The following PIEZO2 variants were observed in gnomAD, a reference collection of about 807,000 sequenced individuals.
PIEZO2 encodes the protein piezo type mechanosensitive ion channel component 2, also known as piezo-type mechanosensitive ion channel component 2.
PIEZO2 carries 172 observed loss-of-function variants against 337.3 expected under a neutral mutation model. The ratio of observed to expected loss-of-function variants is 0.51; its 90% confidence interval spans 0.45 to 0.58. The LOEUF is 0.58. Ranked by LOEUF, PIEZO2 falls within the 20% of genes least tolerant of loss-of-function variation. PIEZO2 has a pLI of 0.00. For missense variants in PIEZO2, 3,028 were observed against 3,391.3 expected (o/e 0.89, Z 2.66); for synonymous variants, 1,251 against 1,228.5 (o/e 1.02, Z -0.38).
intron 2 of PIEZO2, among the ~76,000 whole-genome samples, chr18:11,022,823 G>A (rs960784520): frequency 4.6e-5 from 7 of 152,170 alleles, no homozygotes; most frequent in Non-Finnish European, 8.8e-5. Flanking sequence ...GAATGAAGTC[G>A]CGGACCCTCG....
At position 11,010,978 on chromosome 18, in the gene PIEZO2, T is replaced by C. The variant is rs537962282; in HGVS notation, c.161-31318A>G. The stretch of plus-strand genomic sequence containing the variant: ...TCAATGTGCTAAATTGATGTGTTCA[T>C]GCGACATCAGTTCATTGTACATTTT... On this transcript the variant is annotated intron_variant, in intron 2 of 55. Coordinates refer to ENST00000674853, the MANE Select transcript of PIEZO2 (RefSeq NM_001378183.1). Among the ~76,000 whole-genome samples the C allele has an allele frequency of 3.3e-5, 5 of 152,380 alleles. No homozygotes were observed. In the East Asian group the frequency reaches 9.6e-4, roughly 29 times the overall value.
chr18:10,960,726 G>A (rs1023607182), intron 3 of PIEZO2, among the ~76,000 whole-genome samples: 5 of 152,024 alleles, frequency 3.3e-5, no homozygotes, highest in African/African-American at 7.2e-5. Context: ...CTTTTAAAAC[G>A]AGCGTTGGCT....
chr18:10,809,292 G>C (rs865861196), intron 7 of PIEZO2, among the ~76,000 whole-genome samples: 1 of 43,202 alleles, frequency 2.3e-5, no homozygotes, highest in African/African-American at 6.8e-5. Flanking sequence ...TTTTTTTTGA[G>C]ACAGAGTCTC....
At position 10,883,059 on chromosome 18, in the gene PIEZO2, G is replaced by C. The variant is rs150090265; in HGVS notation, c.330-11644C>G. ...TCACCATGTTGGCCAGGATGGTCTCGATCTCCTGACCTTGTGATCCGCCCA... is the reference window on the plus strand; with the variant it reads ...TCACCATGTTGGCCAGGATGGTCTCCATCTCCTGACCTTGTGATCCGCCCA... On this transcript the variant is annotated intron_variant, in intron 4 of 55. Coordinates refer to ENST00000674853, the MANE Select transcript of PIEZO2 (RefSeq NM_001378183.1). Among the ~76,000 whole-genome samples, 112 of 151,970 alleles carry C rather than the reference G, an allele frequency of 7.4e-4. 1 individual carries two copies. Among genetic ancestry groups the C allele is most frequent in the African/African-American group, 2.7e-3 (111 of 41,480 alleles).
Position 10,689,721 on chromosome 18 carries a change from G to A in PIEZO2, c.7431C>T (p.Ser2477=). 6.2e-7 allele frequency: 1 copy of A among 1,614,210 alleles called. No individual in the cohort carries two copies. The highest frequency in any genetic ancestry group is 8.5e-7 in the Non-Finnish European group (1 of 1,180,024). The change falls in exon 49 of 56, where the codon AGC becomes AGT. Residue 2477 remains serine (S), a synonymous_variant. Coordinates refer to ENST00000674853, the MANE Select transcript of PIEZO2 (RefSeq NM_001378183.1). ...VWTDTTLSLS[S]WICVEDIYAH... is the part of the protein sequence containing the mutation. ...CATAGATGTCCTCCACACAGATCCA[G>A]CTGGACAGGCTCAAAGTTGTGTCCG...
intron 3 of PIEZO2, among the ~76,000 whole-genome samples, chr18:10,978,370 T>G (rs1172070540): frequency 6.6e-6 from 1 of 151,536 alleles, no homozygotes; most frequent in Non-Finnish European, 1.5e-5. Flanking sequence ...ACAAAAAAAC[T>G]GCTGAACTGT....
intron 36 of PIEZO2, among the ~76,000 whole-genome samples, chr18:10,730,685 C>CT (rs1313005660): frequency 2.6e-5 from 4 of 152,036 alleles, no homozygotes; most frequent in Non-Finnish European, 4.4e-5. Context: ...TGTGCTTTCC[C>CT]TTTTTTCTTG....
Position 10,877,325 on chromosome 18 carries a change from T to C in PIEZO2, c.330-5910A>G, listed in dbSNP as rs1037927814. On this transcript the variant is annotated intron_variant, in intron 4 of 55. Coordinates refer to ENST00000674853, the MANE Select transcript of PIEZO2 (RefSeq NM_001378183.1). The surrounding 1 kb of genome is among the most constrained non-coding windows in gnomAD (Gnocchi z 5.3). ...AAAGCTGTTTCATGAACACTAGCTCTTTAGAATGAAATAGTGTTAGATTAA... is the reference window on the plus strand; with the variant it reads ...AAAGCTGTTTCATGAACACTAGCTCCTTAGAATGAAATAGTGTTAGATTAA... 6.6e-6 allele frequency among the ~76,000 whole-genome samples: 1 copy of C among 152,208 alleles called. No homozygotes were observed. Among genetic ancestry groups the C allele is most frequent in the African/African-American group, 2.4e-5 (1 of 41,448 alleles).
intron 2 of PIEZO2, among the ~76,000 whole-genome samples, chr18:11,004,923 C>T (rs775261957): frequency 2.0e-5 from 3 of 152,200 alleles, no homozygotes; most frequent in Non-Finnish European, 4.4e-5. Context: ...CTGGACACTC[C>T]TGAGTGTCTA....
intron 49 of PIEZO2, among the ~76,000 whole-genome samples, chr18:10,687,041 C>T (rs1240591822): frequency 6.6e-6 from 1 of 152,176 alleles, no homozygotes; most frequent in African/African-American, 2.4e-5. Context: ...CCCTACCTTC[C>T]TGAGGCTCTC....
At position 11,027,340 on chromosome 18, in the gene PIEZO2, C is replaced by A. The variant is rs544790803; in HGVS notation, c.160+38787G>T. Among the ~76,000 whole-genome samples the A allele has an allele frequency of 6.6e-6, 1 of 152,098 alleles. No homozygotes were observed. The highest frequency in any genetic ancestry group is 2.4e-5 in the African/African-American group (1 of 41,396). ...CTGTGTGTGAATAAAGGAAGGACTGCGACTGTCAATTCACCAGTGAGGCAA... is the reference window on the plus strand; with the variant it reads ...CTGTGTGTGAATAAAGGAAGGACTGAGACTGTCAATTCACCAGTGAGGCAA... On this transcript the variant is annotated intron_variant, in intron 2 of 55. Coordinates refer to ENST00000674853, the MANE Select transcript of PIEZO2 (RefSeq NM_001378183.1). The surrounding 1 kb of genome is among the most constrained non-coding windows in gnomAD (Gnocchi z 4.2).
rs1007303126 is a variant in PIEZO2, at chr18:10,686,065, A to G, written c.7497+3590T>C. Among the ~76,000 whole-genome samples, 11 of 151,772 alleles carry G rather than the reference A, an allele frequency of 7.2e-5. No individual in the cohort carries two copies. The East Asian group carries it at 2.1e-3, about 29-fold the overall frequency. On this transcript the variant is annotated intron_variant, in intron 49 of 55. Coordinates refer to ENST00000674853, the MANE Select transcript of PIEZO2 (RefSeq NM_001378183.1). The stretch of plus-strand genomic sequence containing the variant: ...TTATCGTCTCCAGAGAGGTCCAAAC[A>G]CTCCCCATTTTGAAATTATCCTCTG...
At position 10,762,420 on chromosome 18, in the gene PIEZO2, G is replaced by A. The variant is rs8095476; in HGVS notation, c.3249+80C>T. 0.28 allele frequency: 403,530 copies of A among 1,462,184 alleles called. 57,412 individuals are homozygous for A. The highest frequency in any genetic ancestry group is 0.42 in the East Asian group (16,722 of 40,284). 90.6% of individuals were successfully genotyped at this position (1,462,184 alleles called of 1,614,324 possible). ...AGATATGGTTACTATCAAATGTGAT[G>A]TTAAGCGTCTCATGGAAAAGAATCC... On this transcript the variant is annotated intron_variant, in intron 23 of 55. Coordinates refer to ENST00000674853, the MANE Select transcript of PIEZO2 (RefSeq NM_001378183.1).
intron 3 of PIEZO2, among the ~76,000 whole-genome samples, chr18:10,978,268 A>G (rs571233483): frequency 1.3e-5 from 2 of 152,026 alleles, no homozygotes; most frequent in Non-Finnish European, 2.9e-5. Context: ...CCCGGGAGGC[A>G]GAGCTTGCAG....
At chr18:10,893,010 C>T (rs1415248434) in intron 4 of PIEZO2, among the ~76,000 whole-genome samples, 1 of 152,168 alleles carries the variant, frequency 6.6e-6, no homozygotes, top group African/African-American at 2.4e-5. Context: ...TGGTTTCTCC[C>T]TGGGGATTTC....
chr18:11,106,281 G>C (rs918428485), intron 1 of PIEZO2, among the ~76,000 whole-genome samples: 1 of 140,692 alleles, frequency 7.1e-6, no homozygotes, highest in Admixed American at 7.2e-5. Flanking sequence ...TTTTTTTTTA[G>C]TAGAGACGGG....
chr18:10,731,215 ATATC>A (rs1212965157), intron 36 of PIEZO2, among the ~76,000 whole-genome samples, 188 bp downstream of exon 36: 1 of 128,720 alleles, frequency 7.8e-6, no homozygotes, highest in Non-Finnish European at 1.6e-5. Context: ...ATATATATAT[ATATC>A]TCCTAACTTT....
At chr18:10,961,591 A>C (rs958954818) in intron 3 of PIEZO2, among the ~76,000 whole-genome samples, 1 of 152,220 alleles carries the variant, frequency 6.6e-6, no homozygotes. Context: ...AAATTTTAAA[A>C]AAAGAAAAAA....
chr18:11,006,007 A>C (rs937675832), intron 2 of PIEZO2, among the ~76,000 whole-genome samples: 7 of 152,208 alleles, frequency 4.6e-5, no homozygotes, highest in Admixed American at 1.3e-4. Context: ...TCATTTATCT[A>C]TAAACTGGCA....
Sources: gnomAD v4.1 joint callset for allele counts (sites outside exome capture counted in the v4.1 genomes callset) on GRCh38, gnomAD v4.1.1 for gene constraint, Gnocchi (gnomAD v3.1) non-coding constraint, MANE v1.5 for transcripts, NCBI Gene and HGNC (gene_info 2026-07-23, HGNC 2026-07-21) for gene names.